MARCHF2: variants seen among roughly 807,000 people sequenced by gnomAD.
The protein encoded by MARCHF2 is membrane associated ring-CH-type finger 2.
A neutral mutation model predicts 24.0 loss-of-function variants in MARCHF2; 22 were observed. That is an observed-to-expected ratio of 0.92 (90% CI 0.66 to 1.31). The LOEUF is 1.31. Ranked by LOEUF, MARCHF2 falls within the 50% of genes most tolerant of loss-of-function variation. The pLI, the probability that MARCHF2 is intolerant of heterozygous loss-of-function variation, is 0.00. For synonymous variants in MARCHF2, 154 were observed against 153.0 expected (o/e 1.01, Z -0.05); for missense variants, 301 against 335.3 (o/e 0.90, Z 0.80).
rs756353048 is a variant in MARCHF2, at chr19:8,438,449, G to T, written c.644G>T (p.Arg215Leu). ...TGGAGAAAGACCAACCAGAAAGTTC[G>T]CCTGAAGATCCGGGAGGCGGACAGC... The part of the protein sequence containing the change: ...SEWRKTNQKV[R>L]LKIREADSPE... Residue 215 changes from arginine to leucine, a missense_variant, in exon 5 of 5, where the codon CGC (arginine) becomes CTC (leucine). Coordinates refer to ENST00000215555, the MANE Select transcript of MARCHF2 (RefSeq NM_001005415.2). The T allele has an allele frequency of 1.2e-6, 2 of 1,614,124 alleles. No homozygotes were observed. The highest frequency in any genetic ancestry group is 8.5e-7 in the Non-Finnish European group (1 of 1,180,022).
intron 3 of MARCHF2, chr19:8,427,824 A>G (rs1014887807): frequency 6.6e-6 from 1 of 150,594 alleles, no homozygotes; most frequent in African/African-American, 2.4e-5. Flanking sequence ...TACAAAAAAA[A>G]AAAAAAAAAG....
chr19:8,437,848 G>A (rs1460449577), intron 4 of MARCHF2, among the ~76,000 whole-genome samples: 3 of 150,890 alleles, frequency 2.0e-5, no homozygotes, highest in Non-Finnish European at 3.0e-5. Flanking sequence ...AGGCTCAGGC[G>A]ATTCTCCTGC....
At chr19:8,413,568 T>G (rs1967006368) in intron 1 of MARCHF2, 148 bp downstream of exon 1, 1 of 152,028 alleles carries the variant, frequency 6.6e-6, no homozygotes, top group Admixed American at 6.6e-5. Flanking sequence ...TCAGTTCCCG[T>G]GTCAAGGCCG....
Position 8,421,828 on chromosome 19 carries a change from G to A in MARCHF2, c.-13G>A, listed in dbSNP as rs778692060. ...GGGCCTCAGGCCCTGAGGATACGGG[G>A]CTCCCGGTGGCCATGACGACGGGTG... On this transcript the variant is annotated 5_prime_UTR_variant, in exon 2 of 5. Transcript: ENST00000215555. 6 of 1,598,734 alleles carry A rather than the reference G, an allele frequency of 3.8e-6. No individual in the cohort carries two copies. Among genetic ancestry groups the A allele is most frequent in the Admixed American group, 1.7e-5 (1 of 58,710 alleles).
At chr19:8,437,686 CTT>C (rs549545710) in intron 4 of MARCHF2, among the ~76,000 whole-genome samples, 1 of 141,108 alleles carries the variant, frequency 7.1e-6, no homozygotes. Flanking sequence ...TTTTTTTAAA[CTT>C]TTTTTTTTTG....
Position 8,438,655 on chromosome 19 carries a change from G to A in MARCHF2, c.*109G>A, listed in dbSNP as rs535075603. 3.8e-4 allele frequency: 461 copies of A among 1,214,384 alleles called. No homozygotes were observed. Among genetic ancestry groups the A allele is most frequent in the Non-Finnish European group, 5.0e-4 (439 of 871,624 alleles). 75.2% of individuals were successfully genotyped at this position (1,214,384 alleles called of 1,614,324 possible). On this transcript the variant is annotated 3_prime_UTR_variant, in exon 5 of 5. Coordinates refer to ENST00000215555, the MANE Select transcript of MARCHF2 (RefSeq NM_001005415.2). ...ACTTCCACTTCAACAGTTCCCGCAC[G>A]GCCTGAACGCTTCTTAGGCCAAGAG...
intron 4 of MARCHF2, among the ~76,000 whole-genome samples, chr19:8,435,837 TGTGTGTG>T (rs1967704074): frequency 6.9e-6 from 1 of 145,636 alleles, no homozygotes; most frequent in African/African-American, 2.7e-5. Context: ...CCTGTGTGTG[TGTGTGTG>T]TGTGTGTGTG....
At chr19:8,415,769 AG>A (rs1967072709) in intron 1 of MARCHF2, among the ~76,000 whole-genome samples, 1 of 150,832 alleles carries the variant, frequency 6.6e-6, no homozygotes, top group Non-Finnish European at 1.5e-5. Flanking sequence ...GACAAAAGAA[AG>A]AAGAGAAATA....
Position 8,426,738 on chromosome 19 carries a change from C to T in MARCHF2, c.306C>T (p.Asn102=), listed in dbSNP as rs1234776881. 4 of 1,612,982 alleles carry T rather than the reference C, an allele frequency of 2.5e-6. No homozygotes were observed. In the East Asian group the frequency reaches 6.7e-5, roughly 27 times the overall value. Residue 102 remains asparagine, a synonymous_variant, in exon 3 of 5, where the codon AAC becomes AAT. Coordinates refer to ENST00000215555, the MANE Select transcript of MARCHF2 (RefSeq NM_001005415.2). ...TGGAGAAGTGGCTTTCCTCATCTAA[C>T]ACCAGCTACTGCGAGCTGTGCCACA... is the stretch of plus-strand genomic sequence containing the variant. ...SCLEKWLSSS[N]TSYCELCHTE... is the part of the protein sequence containing the mutation.
rs756353048 is a variant in MARCHF2 at position 8,438,449 on chromosome 19, G to A, written c.644G>A (p.Arg215His). 51 of 1,614,006 alleles carry A rather than the reference G, an allele frequency of 3.2e-5. No individual in the cohort carries two copies. Among genetic ancestry groups the A allele is most frequent in the South Asian group, 7.7e-5 (7 of 91,088 alleles). ...SEWRKTNQKV[R>H]LKIREADSPE... ...TGGAGAAAGACCAACCAGAAAGTTC[G>A]CCTGAAGATCCGGGAGGCGGACAGC... is the stretch of plus-strand genomic sequence containing the variant. Residue 215 changes from arginine to histidine, a missense_variant, in exon 5 of 5, where the codon CGC (arginine) becomes CAC (histidine). Transcript: ENST00000215555.
chr19:8,429,676 G>A (rs906412614), intron 3 of MARCHF2, among the ~76,000 whole-genome samples: 1 of 150,886 alleles, frequency 6.6e-6, no homozygotes, highest in Admixed American at 6.6e-5. Flanking sequence ...AGCTAATTTT[G>A]TATTTTTAGT....
intron 1 of MARCHF2, among the ~76,000 whole-genome samples, chr19:8,417,696 C>T (rs1967118508): frequency 6.6e-6 from 1 of 151,290 alleles, no homozygotes; most frequent in African/African-American, 2.4e-5. Context: ...CCTCGGCCTC[C>T]CAAAGTGCTG....
rs199941961 is a variant in MARCHF2 at position 8,427,059 on chromosome 19, C to CT, written c.372+263dup. Among the ~76,000 whole-genome samples the CT allele has an allele frequency of 7.2e-4, 110 of 151,846 alleles. 1 individual carries two copies. In the East Asian group the frequency reaches 0.021, roughly 29 times the overall value. On this transcript the variant is annotated intron_variant, in intron 3 of 4. Coordinates refer to ENST00000215555, the MANE Select transcript of MARCHF2 (RefSeq NM_001005415.2). Reference sequence around the variant, plus strand: ...TTTCTTCTTCTTCCTTCTCCTTCTTCTTTTTTTTGAGACAGAGTCTAACTC... The same window carrying CT: ...TTTCTTCTTCTTCCTTCTCCTTCTTCTTTTTTTTTGAGACAGAGTCTAACTC...
chr19:8,414,705 G>C (rs1480734971), intron 1 of MARCHF2, among the ~76,000 whole-genome samples: 11 of 152,160 alleles, frequency 7.2e-5, no homozygotes, highest in Admixed American at 7.2e-4. Context: ...TCAGGAAAAG[G>C]AGCCTGGGCA....
chr19:8,421,663 T>C (rs1967246811), intron 1 of MARCHF2, 126 bp from the exon 2 acceptor site: 2 of 536,500 alleles, frequency 3.7e-6, no homozygotes, highest in Admixed American at 7.3e-5. Flanking sequence ...TTACAGATGG[T>C]GCAAACTGAG....
At chr19:8,414,882 G>T (rs1257910096) in intron 1 of MARCHF2, among the ~76,000 whole-genome samples, 2 of 152,178 alleles carry the variant, frequency 1.3e-5, no homozygotes, top group Non-Finnish European at 2.9e-5. Flanking sequence ...AAAGTGACTT[G>T]AACCAGGACA....
intron 4 of MARCHF2, among the ~76,000 whole-genome samples, chr19:8,436,451 T>C (rs1286860180): frequency 6.6e-6 from 1 of 151,850 alleles, no homozygotes; most frequent in Non-Finnish European, 1.5e-5. Context: ...CATTATAATA[T>C]CAGACAGAGT....
chr19:8,426,853 C>A, intron 3 of MARCHF2, 49 bp downstream of exon 3: 1 of 1,556,956 alleles, frequency 6.4e-7, no homozygotes, highest in Admixed American at 1.7e-5. Context: ...AGAGGGCAGA[C>A]ATGGGGGCCA....
chr19:8,414,152 T>G (rs1967018518), intron 1 of MARCHF2, among the ~76,000 whole-genome samples: 1 of 152,224 alleles, frequency 6.6e-6, no homozygotes, highest in Non-Finnish European at 1.5e-5. Flanking sequence ...GTGCCAGGGT[T>G]GACTGTGTGA....
Sources: gnomAD v4.1 joint callset for allele counts (sites outside exome capture counted in the v4.1 genomes callset) on GRCh38, gnomAD v4.1.1 for gene constraint, MANE v1.5 for transcripts, NCBI Gene and HGNC (gene_info 2026-07-23, HGNC 2026-07-21) for gene names.